Variants in SHOC2 observed in about 807,000 individuals in gnomAD.
SHOC2 encodes SHOC2 leucine rich repeat scaffold protein.
Under a neutral mutation model 50.2 loss-of-function variants are expected in SHOC2, and 4 were observed. The ratio of observed to expected loss-of-function variants is 0.08; its 90% confidence interval spans 0.04 to 0.18. The LOEUF (loss-of-function observed/expected upper bound fraction) is 0.18. SHOC2 is among the 10% of genes least tolerant of loss of function. SHOC2 has a pLI of 1.00. For missense variants in SHOC2, 388 were observed against 669.6 expected, an observed-to-expected ratio of 0.58 and a Z score of 4.64; for synonymous variants, 218 against 244.5, an observed-to-expected ratio of 0.89 and a Z score of 1.01.
chr10:110,994,559 A>G (rs971417409), intron 3 of SHOC2, among the ~76,000 whole-genome samples: 1 of 152,190 alleles, frequency 6.6e-6, no homozygotes, highest in Non-Finnish European at 1.5e-5. Context: ...ACACTTTACA[A>G]TGGTTAAATA....
At chr10:110,989,738 G>A (rs1848146248) in intron 3 of SHOC2, among the ~76,000 whole-genome samples, 1 of 152,050 alleles carries the variant, frequency 6.6e-6, no homozygotes, top group Admixed American at 6.5e-5. Context: ...TTATTTTTCA[G>A]GATCATATTT....
intron 3 of SHOC2, among the ~76,000 whole-genome samples, chr10:110,999,736 C>CAAAAAAAAAAAAAA (rs145780250): frequency 2.4e-5 from 2 of 81,688 alleles, no homozygotes; most frequent in Non-Finnish European, 4.6e-5. Context: ...GACTCAGTCT[C>CAAAAAAAAAAAAAA]AAAAAAAAAA....
intron 2 of SHOC2, among the ~76,000 whole-genome samples, chr10:110,977,874 T>C (rs1272156868): frequency 1.3e-5 from 2 of 152,184 alleles, no homozygotes; most frequent in Non-Finnish European, 2.9e-5. Context: ...ATTGTTTGGG[T>C]TGCTGCTGCT....
Position 110,965,043 on chromosome 10 carries a change from C to A in SHOC2, c.685C>A (p.Gln229Lys), listed in dbSNP as rs759669812. 10 of 1,613,586 alleles carry A rather than the reference C, an allele frequency of 6.2e-6. No homozygotes were observed. The highest frequency in any genetic ancestry group is 8.5e-6 in the Non-Finnish European group (10 of 1,179,652). ...MLSIRENKIK[Q>K]LPAEIGELCN... The stretch of plus-strand genomic sequence containing the variant: ...TAGCATTCGAGAGAACAAAATTAAA[C>A]AACTACCTGCTGAAATTGGTAAGAG... The change falls in exon 2 of 9, where the codon CAA becomes AAA. Residue 229 changes from glutamine to lysine, a missense_variant. Physicochemically the swap from Gln to Lys is moderately conservative, Grantham distance 53. This residue lies in a region of SHOC2 where 88 missense variants were observed against 147.2 expected (regional missense o/e 0.60). Transcript: ENST00000369452.
At chr10:110,938,901 G>A (rs1847083428) in intron 1 of SHOC2, among the ~76,000 whole-genome samples, 1 of 152,156 alleles carries the variant, frequency 6.6e-6, no homozygotes, top group South Asian at 2.1e-4. Flanking sequence ...AATATAATCA[G>A]AACATTTAAC....
chr10:110,939,754 T>C (rs1847099768), intron 1 of SHOC2, among the ~76,000 whole-genome samples: 1 of 152,226 alleles, frequency 6.6e-6, no homozygotes, highest in South Asian at 2.1e-4. Flanking sequence ...AATAAGCATG[T>C]ATCCTTACCA....
chr10:110,940,742 CA>C (rs1847120496), intron 1 of SHOC2, among the ~76,000 whole-genome samples: 1 of 151,930 alleles, frequency 6.6e-6, no homozygotes, highest in Non-Finnish European at 1.5e-5. Flanking sequence ...TTTTCTTTAA[CA>C]AATTGAGGAA....
At chr10:110,983,458 A>C (rs752760968) in intron 2 of SHOC2, among the ~76,000 whole-genome samples, 9 of 152,158 alleles carry the variant, frequency 5.9e-5, no homozygotes, top group Non-Finnish European at 1.3e-4. Flanking sequence ...TTAGTGCTAT[A>C]AACTTCCCTC....
At chr10:110,956,175 T>G (rs931120591) in intron 1 of SHOC2, among the ~76,000 whole-genome samples, 15 of 151,364 alleles carry the variant, frequency 9.9e-5, no homozygotes, top group African/African-American at 3.4e-4. Flanking sequence ...ATCCAACAGG[T>G]TTTTTACATT....
intron 1 of SHOC2, chr10:110,937,073 T>C (rs1337887844): frequency 6.8e-7 from 1 of 1,474,674 alleles, no homozygotes; most frequent in Admixed American, 1.7e-5. Context: ...GAAAGCCAAG[T>C]ACTTCAACTT....
intron 1 of SHOC2, among the ~76,000 whole-genome samples, chr10:110,939,540 C>T (rs1386022025): frequency 6.6e-6 from 1 of 152,124 alleles, no homozygotes; most frequent in East Asian, 1.9e-4. Flanking sequence ...GTGGTATCTC[C>T]ACTTAACATG....
intron 2 of SHOC2, among the ~76,000 whole-genome samples, chr10:110,982,269 G>C (rs997304784): frequency 4.0e-5 from 6 of 150,690 alleles, no homozygotes; most frequent in African/African-American, 1.5e-4. Context: ...TGGACATTTG[G>C]ATTGGTTCCA....
rs376161380 is a variant in SHOC2 at position 111,011,614 on chromosome 10, A to G, written c.1545A>G (p.Thr515=). ...LLTHLPEEIG[T]LENLEELYLN... ...ATTGATTTTTTTTTTAAACAGGTAC[A>G]CTGGAGAACCTAGAAGAACTGTATT... Residue 515 remains threonine, a synonymous_variant, in exon 9 of 9, where the codon ACA becomes ACG. Transcript: ENST00000369452. 106 of 1,612,064 alleles carry G rather than the reference A, an allele frequency of 6.6e-5. No homozygotes were observed. The highest frequency in any genetic ancestry group is 8.3e-5 in the Non-Finnish European group (98 of 1,178,432).
intron 1 of SHOC2, 90 bp downstream of exon 1, chr10:110,919,747 G>T: frequency 2.5e-6 from 1 of 396,490 alleles, no homozygotes; most frequent in Non-Finnish European, 4.5e-6. Flanking sequence ...CTGGCTGTCG[G>T]TAGGGGGAGG....
chr10:110,921,894 C>A (rs1473800097), intron 1 of SHOC2, among the ~76,000 whole-genome samples: 1 of 151,542 alleles, frequency 6.6e-6, no homozygotes. Flanking sequence ...TTTTTAAGTT[C>A]AAAAAATTTT....
intron 3 of SHOC2, among the ~76,000 whole-genome samples, chr10:110,990,511 T>A (rs1398407268): frequency 7.5e-6 from 1 of 133,428 alleles, no homozygotes; most frequent in Non-Finnish European, 1.7e-5. Context: ...ACTCTGTATC[T>A]AACTAATCTG....
At chr10:110,997,249 T>C (rs1848284643) in intron 3 of SHOC2, among the ~76,000 whole-genome samples, 1 of 152,162 alleles carries the variant, frequency 6.6e-6, no homozygotes, top group Non-Finnish European at 1.5e-5. Context: ...TAATGTAAAA[T>C]ATTCATCCAA....
rs554078191 is a variant in SHOC2 at position 110,986,797 on chromosome 10, C to T, written c.841+1032C>T. 3.3e-5 allele frequency among the ~76,000 whole-genome samples: 5 copies of T among 152,276 alleles called. No homozygotes were observed. The South Asian group carries it at 6.2e-4, about 19-fold the overall frequency. On this transcript the variant is annotated intron_variant, in intron 3 of 8. Transcript: ENST00000369452. ...GGTCCAGTCATGAATATTTTAGAGGCATGATTACTAAATCATTTGAGGCCT... is the reference window on the plus strand; with the variant it reads ...GGTCCAGTCATGAATATTTTAGAGGTATGATTACTAAATCATTTGAGGCCT...
At chr10:110,993,529 A>G (rs190449244) in intron 3 of SHOC2, among the ~76,000 whole-genome samples, 126 of 152,280 alleles carry the variant, frequency 8.3e-4, no homozygotes, top group Middle Eastern at 3.4e-3. Flanking sequence ...ATTCTCATAG[A>G]TTACATTGTT....
Sources: allele counts gnomAD v4.1 joint callset (sites outside exome capture counted in the v4.1 genomes callset), GRCh38; gene constraint gnomAD v4.1.1; regional missense constraint gnomAD v4.1.1; transcripts MANE v1.5; gene names NCBI Gene and HGNC (gene_info 2026-07-23, HGNC 2026-07-21).